PPARGC1A: variants seen among roughly 807,000 people sequenced by gnomAD.
PPARGC1A encodes the protein PPARG coactivator 1 alpha, also known as peroxisome proliferator-activated receptor gamma coactivator 1-alpha.
Under a neutral mutation model 88.7 loss-of-function variants are expected in PPARGC1A, and 25 were observed. That is an observed-to-expected ratio of 0.28 (90% CI 0.21 to 0.39). PPARGC1A has a LOEUF of 0.39. Ranked by LOEUF, PPARGC1A falls within the 10% of genes least tolerant of loss-of-function variation. The pLI is 1.00. For missense variants in PPARGC1A, 880 were observed against 968.7 expected, an observed-to-expected ratio of 0.91 and a Z score of 1.22; for synonymous variants, 363 against 355.6, an observed-to-expected ratio of 1.02 and a Z score of -0.24.
At chr4:24,332,784 A>G in the PPARGC1A span, among the ~76,000 whole-genome samples, 1 of 152,232 alleles carries the variant, frequency 6.6e-6, no homozygotes, top group South Asian at 2.1e-4. Context: ...CAGATGCGAT[A>G]GTCTATTAAC....
the PPARGC1A span, among the ~76,000 whole-genome samples, chr4:24,124,738 T>C: frequency 5.9e-5 from 9 of 152,178 alleles, no homozygotes; most frequent in South Asian, 6.2e-4. Context: ...AAATTACTAA[T>C]CAATATCTAG....
the PPARGC1A span, among the ~76,000 whole-genome samples, chr4:24,098,313 T>A: frequency 6.6e-6 from 1 of 152,206 alleles, no homozygotes; most frequent in Non-Finnish European, 1.5e-5. Flanking sequence ...AGGCCTTGGC[T>A]CCACAGCAAA....
the PPARGC1A span, among the ~76,000 whole-genome samples, chr4:24,229,117 T>A: frequency 2.0e-5 from 3 of 149,644 alleles, no homozygotes; most frequent in African/African-American, 7.4e-5. Context: ...AAATTCAGAT[T>A]TAATTGATTA....
At chr4:23,951,549 C>T in the PPARGC1A span, among the ~76,000 whole-genome samples, 39 of 152,154 alleles carry the variant, frequency 2.6e-4, no homozygotes, top group East Asian at 1.4e-3. Flanking sequence ...GTTTGTAAAA[C>T]CCAAATGTAT....
At chr4:23,854,106 T>A (rs990792477) in intron 2 of PPARGC1A, among the ~76,000 whole-genome samples, 1 of 152,204 alleles carries the variant, frequency 6.6e-6, no homozygotes, top group Non-Finnish European at 1.5e-5. Flanking sequence ...AAAGAGTTTA[T>A]AATCTAGTCA....
chr4:24,384,882 A>T, the PPARGC1A span, among the ~76,000 whole-genome samples: 1 of 152,206 alleles, frequency 6.6e-6, no homozygotes, highest in Non-Finnish European at 1.5e-5. Context: ...TCAGCTCTGG[A>T]CCAAGCAGAC....
chr4:23,905,887 C>T (rs529750330), upstream of PPARGC1A, among the ~76,000 whole-genome samples: 2 of 152,252 alleles, frequency 1.3e-5, no homozygotes, highest in East Asian at 1.9e-4. Context: ...GCCCAACAGT[C>T]GCATAACTTA....
the PPARGC1A span, among the ~76,000 whole-genome samples, chr4:24,096,773 C>A: frequency 6.6e-6 from 1 of 152,050 alleles, no homozygotes; most frequent in African/African-American, 2.4e-5. Context: ...GTTTTTCCCT[C>A]CAGATAAGCA....
chr4:24,251,232 ACTAG>A, the PPARGC1A span, among the ~76,000 whole-genome samples: 5 of 152,316 alleles, frequency 3.3e-5, no homozygotes, highest in Admixed American at 3.3e-4. Flanking sequence ...CTGTGCCACT[ACTAG>A]CTGTGTGATC....
At chr4:24,253,356 A>G in the PPARGC1A span, among the ~76,000 whole-genome samples, 1 of 152,224 alleles carries the variant, frequency 6.6e-6, no homozygotes, top group Non-Finnish European at 1.5e-5. Flanking sequence ...CAAGGGAATG[A>G]GAATGTTGTA....
the PPARGC1A span, among the ~76,000 whole-genome samples, chr4:23,936,198 A>G: frequency 3.9e-5 from 6 of 152,212 alleles, no homozygotes; most frequent in Non-Finnish European, 7.3e-5. Flanking sequence ...AATGCCTACT[A>G]TGTACTATTC....
chr4:24,387,772 GAAAGAAAGAAAGAA>G, the PPARGC1A span, among the ~76,000 whole-genome samples: 92 of 58,068 alleles, frequency 1.6e-3, 1 homozygote, highest in African/African-American at 4.8e-3. Flanking sequence ...GAGAGAGAAA[GAAAGAAAGAAAGAA>G]AGAAAGAAAG....
At chr4:23,979,827 T>C in the PPARGC1A span, among the ~76,000 whole-genome samples, 2 of 152,142 alleles carry the variant, frequency 1.3e-5, no homozygotes, top group Non-Finnish European at 1.5e-5. Context: ...GTGTGCAATG[T>C]CTTTAGTGCT....
At chr4:24,308,064 T>G in the PPARGC1A span, among the ~76,000 whole-genome samples, 2 of 151,984 alleles carry the variant, frequency 1.3e-5, no homozygotes, top group African/African-American at 2.4e-5. Context: ...GGCCAAGGCG[T>G]GTGGGTCACT....
At chr4:24,142,220 A>G in the PPARGC1A span, among the ~76,000 whole-genome samples, 1 of 152,212 alleles carries the variant, frequency 6.6e-6, no homozygotes, top group Admixed American at 6.5e-5. Flanking sequence ...AGAAGAAAAG[A>G]AGGCAAAATT....
chr4:24,442,880 T>C, the PPARGC1A span, among the ~76,000 whole-genome samples: 9 of 152,344 alleles, frequency 5.9e-5, no homozygotes, highest in Admixed American at 4.6e-4. Flanking sequence ...CTGAGTGGAT[T>C]AGCTTAGTAC....
the PPARGC1A span, among the ~76,000 whole-genome samples, chr4:24,103,433 G>T: frequency 6.6e-6 from 1 of 152,080 alleles, no homozygotes; most frequent in African/African-American, 2.4e-5. Context: ...AAGGTGTGTA[G>T]GATACAGAAA....
chr4:24,239,501 TC>T, the PPARGC1A span, among the ~76,000 whole-genome samples: 1 of 152,226 alleles, frequency 6.6e-6, no homozygotes, highest in Non-Finnish European at 1.5e-5. Context: ...ATTTGACTTT[TC>T]TAACCCTTTG....
At chr4:24,256,311 C>T in the PPARGC1A span, among the ~76,000 whole-genome samples, 1 of 152,090 alleles carries the variant, frequency 6.6e-6, no homozygotes, top group African/African-American at 2.4e-5. Context: ...AGATCCAGAT[C>T]GGCAGGAGAC....
Sources: gnomAD v4.1 joint callset for allele counts (sites outside exome capture counted in the v4.1 genomes callset) on GRCh38, gnomAD v4.1.1 for gene constraint, MANE v1.5 for transcripts, NCBI Gene and HGNC (gene_info 2026-07-23, HGNC 2026-07-21) for gene names.